The following DHH variants were observed in gnomAD, a reference collection of about 807,000 sequenced individuals.
The protein encoded by DHH is desert hedgehog protein.
A neutral mutation model predicts 27.6 loss-of-function variants in DHH; 16 were observed. The ratio of observed to expected loss-of-function variants is 0.58; its 90% CI spans 0.39 to 0.88. The LOEUF (loss-of-function observed/expected upper bound fraction) is 0.88. Ranked by LOEUF, DHH falls within the 40% of genes least tolerant of loss-of-function variation. DHH has a pLI of 0.00. For synonymous variants in DHH, 289 were observed against 263.4 expected (o/e 1.10, Z -0.94); for missense variants, 436 against 563.1 (o/e 0.77, Z 2.28).
chr12:49,092,700 C>G (rs953958342), intron 1 of DHH: 2 of 152,314 alleles, frequency 1.3e-5, no homozygotes, highest in African/African-American at 4.8e-5. Context: ...GGGGCAGCAG[C>G]CCAGTGCAGA....
In DHH at chr12:49,087,971, T is replaced by C. The variant is rs570002998; in HGVS notation, c.*1888A>G. 1.3e-5 allele frequency among the ~76,000 whole-genome samples: 2 copies of C among 152,190 alleles called. No homozygotes were observed. The highest frequency in any genetic ancestry group is 3.9e-4 in the East Asian group (2 of 5,186). On this transcript the variant is annotated 3_prime_UTR_variant, in exon 3 of 3. Coordinates refer to ENST00000649637, the MANE Select transcript of DHH (RefSeq NM_021044.4). ...AGTGTGGGTTGAGGGCAGCAGTGGG[T>C]GGAAGGACACCAAAGGTAAACTTGA... is the stretch of plus-strand genomic sequence containing the variant.
At position 49,089,967 on chromosome 12, in the gene DHH, T is replaced by C. The variant is rs1044037986; in HGVS notation, c.1083A>G (p.Arg361=). 3 of 1,574,828 alleles carry C rather than the reference T, an allele frequency of 1.9e-6. No homozygotes were observed. The highest frequency in any genetic ancestry group is 2.7e-5 in the African/African-American group (2 of 74,202). The stretch of plus-strand genomic sequence containing the variant: ...GCAGCGCCCCTAGCGCGTGCAGCAG[T>C]CTCAAGGGGGCAAAAGCGCGGTGCG... ...QWAHRAFAPL[R]LLHALGALLP... is the part of the protein sequence containing the mutation. The change falls in exon 3 of 3, where the codon AGA becomes AGG. Residue 361 remains arginine, a synonymous_variant. Coordinates refer to ENST00000649637, the MANE Select transcript of DHH (RefSeq NM_021044.4).
In DHH at chr12:49,094,370, A is replaced by T; in HGVS notation, c.143T>A (p.Phe48Tyr). 6.2e-7 allele frequency: 1 copy of T among 1,612,914 alleles called. No homozygotes were observed. The highest frequency in any genetic ancestry group is 8.5e-7 in the Non-Finnish European group (1 of 1,179,858). ...GGTCCGCTCTGGCACGCCGGGCACA[A>T]ATTGCTTGTAGAGTAGCGGCACGAG... ...KQLVPLLYKQ[F>Y]VPGVPERTLG... Residue 48 changes from phenylalanine (F) to tyrosine (Y), a missense_variant, in exon 1 of 3, where the codon TTT becomes TAT. Coordinates refer to ENST00000649637, the MANE Select transcript of DHH (RefSeq NM_021044.4).
At chr12:49,093,557 T>G (rs764741647) in intron 1 of DHH, among the ~76,000 whole-genome samples, 1 of 152,172 alleles carries the variant, frequency 6.6e-6, no homozygotes, top group South Asian at 2.1e-4. Context: ...CCTCTGATTC[T>G]CAGGTGGGTC....
chr12:49,089,647 A>T lies in DHH; in HGVS notation c.*212T>A. ...GGGGAGAGGCTAAATAGTCCTCTTT[A>T]AGGAGTGCGCACCATCAGCCCTACC... On this transcript the variant is annotated 3_prime_UTR_variant, in exon 3 of 3. Coordinates refer to ENST00000649637, the MANE Select transcript of DHH (RefSeq NM_021044.4). The T allele has an allele frequency of 2.1e-6, 1 of 482,760 alleles. No homozygotes were observed. Among genetic ancestry groups the T allele is most frequent in the Non-Finnish European group, 3.5e-6 (1 of 282,514 alleles). The allele number at this position is 482,760 out of a possible 1,614,324, so 29.9% of individuals were successfully genotyped here.
Position 49,090,115 on chromosome 12 carries a change from C to A in DHH, c.935G>T (p.Arg312Leu), listed in dbSNP as rs1165652492. 23 of 1,508,590 alleles carry A rather than the reference C, an allele frequency of 1.5e-5. No homozygotes were observed. Among genetic ancestry groups the A allele is most frequent in the Non-Finnish European group, 2.0e-5 (23 of 1,129,724 alleles). 93.5% of individuals were successfully genotyped at this position (1,508,590 alleles called of 1,614,324 possible). The part of the protein sequence containing the change: ...APGGDALRPA[R>L]VARVAREEAV... Reference sequence around the variant, plus strand: ...TTCCTCCCGCGCCACACGGGCCACGCGCGCTGGCCGAAGCGCATCCCCGCC... The same window carrying A: ...TTCCTCCCGCGCCACACGGGCCACGAGCGCTGGCCGAAGCGCATCCCCGCC... Residue 312 changes from arginine to leucine, a missense_variant, in exon 3 of 3, where the codon CGC becomes CTC. Coordinates refer to ENST00000649637, the MANE Select transcript of DHH (RefSeq NM_021044.4). This position sits in a 1 kb window ranked among gnomAD's most constrained non-coding sequence, Gnocchi z 5.2.
Position 49,087,717 on chromosome 12 carries a change from G to GTA in DHH, c.*2140_*2141dup, listed in dbSNP as rs749345599. On this transcript the variant is annotated 3_prime_UTR_variant, in exon 3 of 3. Coordinates refer to ENST00000649637, the MANE Select transcript of DHH (RefSeq NM_021044.4). ...GATCCTGTCTCTTTAAAAAATACAT[G>GTA]TATATATATATGCATTACCTGATTA... 3.0e-4 allele frequency among the ~76,000 whole-genome samples: 45 copies of GTA among 152,018 alleles called. No individual in the cohort carries two copies. The highest frequency in any genetic ancestry group is 8.9e-4 in the African/African-American group (37 of 41,448).
At position 49,089,772 on chromosome 12, in the gene DHH, C is replaced by T; in HGVS notation, c.*87G>A. 1 of 1,411,462 alleles carries T rather than the reference C, an allele frequency of 7.1e-7. No individual in the cohort carries two copies. 87.4% of individuals were successfully genotyped at this position (1,411,462 alleles called of 1,614,324 possible). Reference sequence around the variant, plus strand: ...CCCCTCCCTCTCCCTCCCTTCCAGTCGGCATCGTCTGCTGCCCACAGCCCC... The same window carrying T: ...CCCCTCCCTCTCCCTCCCTTCCAGTTGGCATCGTCTGCTGCCCACAGCCCC... On this transcript the variant is annotated 3_prime_UTR_variant, in exon 3 of 3. Coordinates refer to ENST00000649637, the MANE Select transcript of DHH (RefSeq NM_021044.4).
Position 49,094,256 on chromosome 12 carries a change from A to G in DHH, c.257T>C (p.Ile86Thr). Residue 86 changes from isoleucine to threonine, a missense_variant, in exon 1 of 3, where the codon ATC becomes ACC. Ile to Thr is a moderately conservative substitution (Grantham distance 89, BLOSUM62 -1). Transcript: ENST00000649637. ...TCCACTGTTCTCCTCATCCTTGAAGATGATGTCGGGGTTGTAGTTGGGCAC... is the reference window on the plus strand; with the variant it reads ...TCCACTGTTCTCCTCATCCTTGAAGGTGATGTCGGGGTTGTAGTTGGGCAC... ...DLVPNYNPDI[I>T]FKDEENSGAD... 1.2e-6 allele frequency: 2 copies of G among 1,613,514 alleles called. No homozygotes were observed. Among genetic ancestry groups the G allele is most frequent in the Non-Finnish European group, 1.7e-6 (2 of 1,179,988 alleles).
Position 49,091,059 on chromosome 12 carries a change from C to G in DHH, c.565+69G>C. ...GGTCTCCCCTAGGGTGGCAACAGTA[C>G]TACTGCAGACTCAGTTTCCCGGAGG... On this transcript the variant is annotated intron_variant, in intron 2 of 2. Transcript: ENST00000649637. This position sits in a 1 kb window ranked among gnomAD's most constrained non-coding sequence, Gnocchi z 4.8. The G allele has an allele frequency of 6.2e-7, 1 of 1,612,108 alleles. No homozygotes were observed. The highest frequency in any genetic ancestry group is 8.5e-7 in the Non-Finnish European group (1 of 1,178,334).
intron 1 of DHH, 65 bp downstream of exon 1, chr12:49,094,145 G>A: frequency 6.3e-7 from 1 of 1,581,370 alleles, no homozygotes; most frequent in Non-Finnish European, 8.7e-7. Flanking sequence ...CACCCACCTG[G>A]GCTGCCATAG....
chr12:49,090,701 A>ATGTT lies in DHH; in HGVS notation c.566-218_566-217insAACA, dbSNP rs1361767252. Among the ~76,000 whole-genome samples the ATGTT allele has an allele frequency of 1.3e-5, 2 of 150,070 alleles. No homozygotes were observed. Among genetic ancestry groups the ATGTT allele is most frequent in the Non-Finnish European group, 3.0e-5 (2 of 67,302 alleles). ...TATGTATGTATGTATGTATGTATGT[A>ATGTT]TGTATGTATGTATTTTGAGATAGAA... On this transcript the variant is annotated intron_variant, in intron 2 of 2. Coordinates refer to ENST00000649637, the MANE Select transcript of DHH (RefSeq NM_021044.4). The surrounding 1 kb of genome is among the most constrained non-coding windows in gnomAD (Gnocchi z 5.2).
Position 49,089,410 on chromosome 12 carries a change from G to T in DHH, c.*449C>A, listed in dbSNP as rs1251306240. 6.5e-6 allele frequency: 1 copy of T among 154,870 alleles called. No individual in the cohort carries two copies. The highest frequency in any genetic ancestry group is 1.4e-5 in the Non-Finnish European group (1 of 69,640). The allele number at this position is 154,870 out of a possible 1,614,324, so 9.6% of individuals were successfully genotyped here. Reference sequence around the variant, plus strand: ...CCTCTCTGGAGGTGAATCACCCTCTGAATGGAAGTGTTTTCCAGTAAGCTC... The same window carrying T: ...CCTCTCTGGAGGTGAATCACCCTCTTAATGGAAGTGTTTTCCAGTAAGCTC... On this transcript the variant is annotated 3_prime_UTR_variant, in exon 3 of 3. Transcript: ENST00000649637.
At position 49,090,332 on chromosome 12, in the gene DHH, G is replaced by T; in HGVS notation, c.718C>A (p.Leu240Met). The T allele has an allele frequency of 6.2e-7, 1 of 1,606,094 alleles. No homozygotes were observed. ...ASGRVVPTPV[L>M]LFLDRDLQRR... Reference sequence around the variant, plus strand: ...TGCAAGTCCCGGTCCAGGAAGAGCAGCACCGGCGTGGGCACCACCCGGCCT... The same window carrying T: ...TGCAAGTCCCGGTCCAGGAAGAGCATCACCGGCGTGGGCACCACCCGGCCT... Residue 240 changes from leucine to methionine, a missense_variant, in exon 3 of 3, where the codon CTG (leucine) becomes ATG (methionine). Coordinates refer to ENST00000649637, the MANE Select transcript of DHH (RefSeq NM_021044.4). The surrounding 1 kb of genome is among the most constrained non-coding windows in gnomAD (Gnocchi z 5.2).
In DHH at chr12:49,088,904, G is replaced by GC. The variant is rs562850766; in HGVS notation, c.*954dup. On this transcript the variant is annotated 3_prime_UTR_variant, in exon 3 of 3. Transcript: ENST00000649637. Reference sequence around the variant, plus strand: ...AGGAAATATTCCAGCCTCTTACTGTGCCCCCCTTCCTTTTTCAGGCCATGA... The same window carrying GC: ...AGGAAATATTCCAGCCTCTTACTGTGCCCCCCCTTCCTTTTTCAGGCCATGA... Among the ~76,000 whole-genome samples the GC allele has an allele frequency of 9.2e-5, 14 of 152,224 alleles. No individual in the cohort carries two copies. In the South Asian group the frequency reaches 2.7e-3, roughly 29 times the overall value.
Position 49,091,047 on chromosome 12 carries a change from G to T in DHH, c.565+81C>A. 1 of 1,608,110 alleles carries T rather than the reference G, an allele frequency of 6.2e-7. No homozygotes were observed. The highest frequency in any genetic ancestry group is 8.5e-7 in the Non-Finnish European group (1 of 1,174,950). ...TAAAGCCCGCTTGGTCTCCCCTAGG[G>T]TGGCAACAGTACTACTGCAGACTCA... On this transcript the variant is annotated intron_variant, in intron 2 of 2. Coordinates refer to ENST00000649637, the MANE Select transcript of DHH (RefSeq NM_021044.4). The surrounding 1 kb of genome is among the most constrained non-coding windows in gnomAD (Gnocchi z 4.8).
chr12:49,090,525 C>T lies in DHH; in HGVS notation c.566-41G>A. 6.3e-7 allele frequency: 1 copy of T among 1,591,104 alleles called. No individual in the cohort carries two copies. The highest frequency in any genetic ancestry group is 8.5e-7 in the Non-Finnish European group (1 of 1,177,346). On this transcript the variant is annotated intron_variant, in intron 2 of 2. Coordinates refer to ENST00000649637, the MANE Select transcript of DHH (RefSeq NM_021044.4). This position sits in a 1 kb window ranked among gnomAD's most constrained non-coding sequence, Gnocchi z 5.2. Reference sequence around the variant, plus strand: ...ACAGGGAGGATTGAATCAAGACCAGCGGTTCCAGAACGATTCTCAAGGCCA... The same window carrying T: ...ACAGGGAGGATTGAATCAAGACCAGTGGTTCCAGAACGATTCTCAAGGCCA...
In DHH at chr12:49,089,193, G is replaced by A. The variant is rs951722034; in HGVS notation, c.*666C>T. The stretch of plus-strand genomic sequence containing the variant: ...ACAACCCTGGACCCTTCAGCCGCAG[G>A]AGCGAAATGCTGGTCCTCTCTGGAT... On this transcript the variant is annotated 3_prime_UTR_variant, in exon 3 of 3. Coordinates refer to ENST00000649637, the MANE Select transcript of DHH (RefSeq NM_021044.4). 6.6e-6 allele frequency among the ~76,000 whole-genome samples: 1 copy of A among 152,270 alleles called. No homozygotes were observed. The highest frequency in any genetic ancestry group is 6.5e-5 in the Admixed American group (1 of 15,288).
rs1565573786 is a variant in DHH, at chr12:49,091,165, G to A, written c.528C>T (p.Tyr176=). Residue 176 remains tyrosine (Y), a synonymous_variant, in exon 2 of 3, where the codon TAC becomes TAT. Transcript: ENST00000649637. This position sits in a 1 kb window ranked among gnomAD's most constrained non-coding sequence, Gnocchi z 4.8. ...AVEAGFDWVY[Y]ESRNHVHVSV... ...ACACGTGGACGTGGTTGCGGGACTC[G>A]TAGTAGACCCAGTCGAAGCCGGCTT... 6.2e-7 allele frequency: 1 copy of A among 1,614,230 alleles called. No individual in the cohort carries two copies.
Sources: allele counts gnomAD v4.1 joint callset (sites outside exome capture counted in the v4.1 genomes callset), GRCh38; gene constraint gnomAD v4.1.1; non-coding constraint Gnocchi (gnomAD v3.1); transcripts MANE v1.5; gene names NCBI Gene and HGNC (gene_info 2026-07-23, HGNC 2026-07-21).